PRKG1: variants seen among roughly 807,000 people sequenced by gnomAD.
The protein encoded by PRKG1 is protein kinase cGMP-dependent 1.
A neutral mutation model predicts 88.1 loss-of-function variants in PRKG1; 35 were observed. The observed-to-expected ratio is 0.40, with a 90% confidence interval of 0.30 to 0.53. The LOEUF is 0.53. Among genes scored for constraint, PRKG1 ranks in the 20% least tolerant of loss-of-function variants. PRKG1 has a pLI of 0.59. For missense variants in PRKG1, 540 were observed against 839.8 expected (o/e 0.64, Z 4.41); for synonymous variants, 303 against 292.5 (o/e 1.04, Z -0.37).
chr10:51,328,150 C>G (rs549734192), intron 2 of PRKG1, among the ~76,000 whole-genome samples: 104 of 152,258 alleles, frequency 6.8e-4, no homozygotes, highest in African/African-American at 2.4e-3. Context: ...CCACTCCAGC[C>G]CCTGGTAGCC....
chr10:51,656,025 C>T (rs1840152694), intron 3 of PRKG1, among the ~76,000 whole-genome samples: 1 of 152,058 alleles, frequency 6.6e-6, no homozygotes, highest in Non-Finnish European at 1.5e-5. Context: ...GGGATGGAGT[C>T]TTGAATAGAA....
At chr10:51,831,449 T>C (rs1240754649) in intron 4 of PRKG1, among the ~76,000 whole-genome samples, 1 of 151,334 alleles carries the variant, frequency 6.6e-6, no homozygotes, top group Non-Finnish European at 1.5e-5. Flanking sequence ...AAAATGTAAA[T>C]GAGACAAGGT....
chr10:51,356,589 G>T (rs1239917410), intron 2 of PRKG1, among the ~76,000 whole-genome samples: 1 of 151,774 alleles, frequency 6.6e-6, no homozygotes, highest in Admixed American at 6.6e-5. Context: ...TTTTTCCTCT[G>T]CTGCTTCTGC....
intron 3 of PRKG1, among the ~76,000 whole-genome samples, chr10:51,530,484 C>T (rs1054121273): frequency 2.0e-5 from 3 of 152,156 alleles, no homozygotes; most frequent in Non-Finnish European, 4.4e-5. Context: ...AAGCACCTAC[C>T]TATCCTGCCA....
chr10:52,081,092 A>C, intron 7 of PRKG1, among the ~76,000 whole-genome samples: 1 of 152,206 alleles, frequency 6.6e-6, no homozygotes, highest in Non-Finnish European at 1.5e-5. Context: ...TTGCAAACAC[A>C]TTTCAGAGTC....
At chr10:51,609,560 T>C (rs139473610) in intron 3 of PRKG1, among the ~76,000 whole-genome samples, 5,987 of 152,222 alleles carry the variant, frequency 0.039, 171 homozygotes, top group Middle Eastern at 0.088. Flanking sequence ...GCAGCACTAT[T>C]CACAATAGCA....
intron 2 of PRKG1, among the ~76,000 whole-genome samples, chr10:51,252,391 T>C (rs1839449862): frequency 6.6e-6 from 1 of 151,826 alleles, no homozygotes; most frequent in African/African-American, 2.4e-5. Context: ...ATAAAATGCA[T>C]GTTTTTTATA....
chr10:51,087,007 A>G (rs949943287), intron 1 of PRKG1, among the ~76,000 whole-genome samples: 29 of 152,160 alleles, frequency 1.9e-4, no homozygotes, highest in Admixed American at 1.8e-3. Context: ...TATCTCAGAA[A>G]ACCCTTGCTA....
chr10:51,839,380 C>T lies in PRKG1; in HGVS notation c.698+34690C>T, dbSNP rs182902450. Reference sequence around the variant, plus strand: ...AATATGTCTTCTACTTCCCCCATGCCCACCCCACCTCTACCATGTTGAGTT... The same window carrying T: ...AATATGTCTTCTACTTCCCCCATGCTCACCCCACCTCTACCATGTTGAGTT... On this transcript the variant is annotated intron_variant, in intron 4 of 17. Coordinates refer to ENST00000373980, the MANE Select transcript of PRKG1 (RefSeq NM_006258.4). Among the ~76,000 whole-genome samples, 97 of 152,256 alleles carry T rather than the reference C, an allele frequency of 6.4e-4. 2 individuals carry two copies. In the Middle Eastern group the frequency reaches 0.01, roughly 16 times the overall value.
chr10:51,165,081 C>T (rs953573919), intron 2 of PRKG1, among the ~76,000 whole-genome samples: 10 of 152,064 alleles, frequency 6.6e-5, no homozygotes, highest in Non-Finnish European at 1.5e-4. Flanking sequence ...AGAGCAACTC[C>T]AAGACACATA....
At chr10:51,282,033 A>G (rs1004640379) in intron 2 of PRKG1, among the ~76,000 whole-genome samples, 68 of 152,194 alleles carry the variant, frequency 4.5e-4, no homozygotes, top group African/African-American at 1.5e-3. Context: ...CTATTCTTCT[A>G]AATGTTAGTA....
intron 2 of PRKG1, among the ~76,000 whole-genome samples, chr10:51,236,434 G>T (rs1235691410): frequency 1.3e-5 from 2 of 151,900 alleles, no homozygotes; most frequent in Non-Finnish European, 2.9e-5. Context: ...ACTCAGAAAT[G>T]AGGAAAGTAG....
chr10:52,065,486 G>C (rs1846334124), intron 7 of PRKG1, among the ~76,000 whole-genome samples: 1 of 151,460 alleles, frequency 6.6e-6, no homozygotes, highest in South Asian at 2.1e-4. Context: ...TGTTTTTTAA[G>C]CCACAATCAG....
intron 5 of PRKG1, among the ~76,000 whole-genome samples, chr10:51,964,230 A>G (rs1413259052): frequency 6.6e-6 from 1 of 152,144 alleles, no homozygotes; most frequent in Non-Finnish European, 1.5e-5. Flanking sequence ...CCTCCACCTC[A>G]AGATTCTTAA....
intron 7 of PRKG1, among the ~76,000 whole-genome samples, chr10:52,063,580 T>C (rs923181473): frequency 9.2e-5 from 14 of 152,364 alleles, no homozygotes; most frequent in African/African-American, 3.1e-4. Context: ...TCCCGATTTC[T>C]TGACCTGTGA....
At chr10:52,015,389 G>A (rs1428449296) in intron 5 of PRKG1, among the ~76,000 whole-genome samples, 1 of 152,194 alleles carries the variant, frequency 6.6e-6, no homozygotes, top group East Asian at 1.9e-4. Flanking sequence ...GAGCAGCTGG[G>A]ACACAGCGCA....
chr10:51,446,038 T>C (rs1839264276), intron 2 of PRKG1, among the ~76,000 whole-genome samples: 1 of 152,012 alleles, frequency 6.6e-6, no homozygotes, highest in South Asian at 2.1e-4. Context: ...CAATGGTGAA[T>C]GTTCATTAAT....
intron 3 of PRKG1, among the ~76,000 whole-genome samples, chr10:51,602,224 T>C (rs1838625309): frequency 6.6e-6 from 1 of 152,184 alleles, no homozygotes; most frequent in South Asian, 2.1e-4. Flanking sequence ...TCTACGATCA[T>C]GTCATTTGTG....
intron 2 of PRKG1, among the ~76,000 whole-genome samples, chr10:51,464,141 A>G (rs1021220353): frequency 2.0e-5 from 3 of 152,006 alleles, no homozygotes; most frequent in Non-Finnish European, 2.9e-5. Context: ...ATTGCCTGGC[A>G]TGGTGGCATG....
Sources: gnomAD v4.1 joint callset for allele counts (sites outside exome capture counted in the v4.1 genomes callset) on GRCh38, gnomAD v4.1.1 for gene constraint, MANE v1.5 for transcripts, NCBI Gene and HGNC (gene_info 2026-07-23, HGNC 2026-07-21) for gene names.